ITSN2: variants seen among roughly 807,000 people sequenced by gnomAD.
The protein encoded by ITSN2 is intersectin-2.
ITSN2 carries 156 observed loss-of-function variants against 243.7 expected under a neutral mutation model. That is an observed-to-expected ratio of 0.64 (90% CI 0.56 to 0.73). The LOEUF (loss-of-function observed/expected upper bound fraction) is 0.73, where lower values mean the gene tolerates loss of function less well. Ranked by LOEUF, ITSN2 falls within the 30% of genes least tolerant of loss-of-function variation. The pLI is 0.00. For synonymous variants in ITSN2, 703 were observed against 699.9 expected (o/e 1.00, Z -0.07); for missense variants, 1,801 against 1,996.1 (o/e 0.90, Z 1.86).
intron 29 of ITSN2, among the ~76,000 whole-genome samples, chr2:24,244,285 T>C (rs1043354934): frequency 1.3e-5 from 2 of 152,214 alleles, no homozygotes; most frequent in African/African-American, 4.8e-5. Flanking sequence ...TGCCTTGAAG[T>C]AGATTTCTCT....
chr2:24,232,316 A>G (rs753187009), intron 29 of ITSN2, among the ~76,000 whole-genome samples: 26 of 152,348 alleles, frequency 1.7e-4, no homozygotes, highest in Non-Finnish European at 2.9e-4. Context: ...AAAAGCAACT[A>G]TATTGACAAG....
At chr2:24,298,940 C>T (rs1486065031) in intron 12 of ITSN2, 126 bp from the exon 13 acceptor site, 1 of 670,122 alleles carries the variant, frequency 1.5e-6, no homozygotes, top group East Asian at 3.0e-5. Flanking sequence ...CTAAGGGTAG[C>T]TAGGCAAATC....
intron 27 of ITSN2, among the ~76,000 whole-genome samples, chr2:24,247,675 C>T (rs1272362937): frequency 2.0e-5 from 3 of 152,188 alleles, no homozygotes; most frequent in African/African-American, 7.2e-5. Context: ...ATGTGGAGGT[C>T]TTTCAGGCTC....
intron 27 of ITSN2, 133 bp downstream of exon 27, chr2:24,248,496 A>G: frequency 1.6e-6 from 1 of 638,042 alleles, no homozygotes; most frequent in Non-Finnish European, 2.5e-6. Flanking sequence ...ATAATGCAGT[A>G]AAATATTGAT....
intron 1 of ITSN2, among the ~76,000 whole-genome samples, chr2:24,337,133 G>A (rs2151886803): frequency 6.7e-6 from 1 of 149,770 alleles, no homozygotes; most frequent in East Asian, 1.9e-4. Flanking sequence ...TTTTTATCGA[G>A]AGTGAGGAAG....
chr2:24,217,872 G>T, intron 31 of ITSN2, 35 bp downstream of exon 31: 1 of 1,464,748 alleles, frequency 6.8e-7, no homozygotes, highest in Non-Finnish European at 9.6e-7. Flanking sequence ...GGGCTTTGGG[G>T]TCAGCGGCAA....
intron 15 of ITSN2, among the ~76,000 whole-genome samples, chr2:24,291,488 CCTTTTTT>C (rs1332367444): frequency 1.0e-5 from 1 of 97,132 alleles, no homozygotes; most frequent in Non-Finnish European, 1.9e-5. Flanking sequence ...TCTTCTTCTT[CCTTTTTT>C]TTTTTTTTTT....
At chr2:24,234,937 T>C (rs1238532336) in intron 29 of ITSN2, among the ~76,000 whole-genome samples, 1 of 152,188 alleles carries the variant, frequency 6.6e-6, no homozygotes, top group Non-Finnish European at 1.5e-5. Context: ...CAGTTTGCCA[T>C]TTACAAACTA....
Position 24,301,996 on chromosome 2 carries a change from A to C in ITSN2, c.964T>G (p.Leu322Val), listed in dbSNP as rs1353914308. ...AKAGQPLPLT[L>V]PPELVPPSFR... ...GATGGAGGAACAAGCTCAGGAGGTA[A>C]AGTCAGTGGTAATGGCTGTCCAGCT... Residue 322 changes from leucine to valine, a missense_variant, in exon 10 of 40, where the codon TTA becomes GTA. Leu to Val is a conservative substitution (Grantham distance 32). Transcript: ENST00000355123. 6.2e-7 allele frequency: 1 copy of C among 1,612,434 alleles called. No individual in the cohort carries two copies. The highest frequency in any genetic ancestry group is 1.7e-5 in the Admixed American group (1 of 59,890).
At chr2:24,304,005 G>A in intron 8 of ITSN2, 143 bp from the exon 9 acceptor site, 1 of 639,414 alleles carries the variant, frequency 1.6e-6, no homozygotes, top group South Asian at 1.9e-5. Context: ...CACGTGCTAG[G>A]TGCTAAGCAT....
rs771857383 is a variant in ITSN2, at chr2:24,301,142, A to T, written c.1081+12T>A. 4 of 1,475,876 alleles carry T rather than the reference A, an allele frequency of 2.7e-6. No homozygotes were observed. The Admixed American group carries it at 5.2e-5, about 19-fold the overall frequency. 91.4% of individuals were successfully genotyped at this position (1,475,876 alleles called of 1,614,324 possible). A position where few individuals can be genotyped will look rare whatever the true frequency, so the allele number is the denominator to read the frequency against. On this transcript the variant is annotated intron_variant, in intron 11 of 39. Coordinates refer to ENST00000355123, the MANE Select transcript of ITSN2 (RefSeq NM_006277.3). Reference sequence around the variant, plus strand: ...CTCAGTATAAATATACAACTTTGACACTCAGTGATACCTGGTAATTTCTTC... The same window carrying T: ...CTCAGTATAAATATACAACTTTGACTCTCAGTGATACCTGGTAATTTCTTC...
Position 24,258,109 on chromosome 2 carries a change from C to G in ITSN2, c.2683-16G>C, listed in dbSNP as rs1157219669. ...CCACTTGTCCCTATGAATACAAAAC[C>G]ACCAAAAATTTTTAAAAGGCAATGG... On this transcript the variant is annotated splice_polypyrimidine_tract_variant and intron_variant, in intron 22 of 39. Transcript: ENST00000355123. 6.2e-7 allele frequency: 1 copy of G among 1,600,080 alleles called. No individual in the cohort carries two copies.
chr2:24,212,063 G>T (rs1388494698), intron 33 of ITSN2, among the ~76,000 whole-genome samples: 1 of 152,228 alleles, frequency 6.6e-6, no homozygotes, highest in Non-Finnish European at 1.5e-5. Context: ...ATAATCTTTT[G>T]TAAAGTCTGC....
chr2:24,215,484 T>G (rs1450764188), intron 32 of ITSN2, among the ~76,000 whole-genome samples: 1 of 152,102 alleles, frequency 6.6e-6, no homozygotes, highest in Non-Finnish European at 1.5e-5. Context: ...CTGGCCAACA[T>G]GGTGAAACCC....
At chr2:24,339,153 G>A (rs370711321) in intron 1 of ITSN2, among the ~76,000 whole-genome samples, 6 of 152,104 alleles carry the variant, frequency 3.9e-5, no homozygotes, top group South Asian at 2.1e-4. Context: ...AAAACTGTGC[G>A]ATTTGAGAGT....
chr2:24,356,545 AAAG>A (rs1267748832), intron 1 of ITSN2, among the ~76,000 whole-genome samples: 3 of 152,114 alleles, frequency 2.0e-5, no homozygotes, highest in South Asian at 2.1e-4. Flanking sequence ...ACACTTCTCA[AAAG>A]AAGACATTTT....
chr2:24,241,784 T>C (rs1401758613), intron 29 of ITSN2: 1 of 152,578 alleles, frequency 6.6e-6, no homozygotes, highest in Non-Finnish European at 1.5e-5. Flanking sequence ...ATTCTGTAAA[T>C]GAATACACAT....
At chr2:24,259,933 T>G (rs1675590618) in intron 22 of ITSN2, among the ~76,000 whole-genome samples, 1 of 152,230 alleles carries the variant, frequency 6.6e-6, no homozygotes, top group Admixed American at 6.5e-5. Flanking sequence ...TTTTTAAAAA[T>G]TGTTTTAGAG....
intron 1 of ITSN2, among the ~76,000 whole-genome samples, chr2:24,353,150 A>G (rs1688166980): frequency 6.6e-6 from 1 of 152,258 alleles, no homozygotes; most frequent in South Asian, 2.1e-4. Context: ...TAAATGGGGA[A>G]AAATCACAAC....
Sources: gnomAD v4.1 joint callset for allele counts (sites outside exome capture counted in the v4.1 genomes callset) on GRCh38, gnomAD v4.1.1 for gene constraint, MANE v1.5 for transcripts, NCBI Gene and HGNC (gene_info 2026-07-23, HGNC 2026-07-21) for gene names.